The following ARFGAP1 variants were observed in gnomAD, a reference collection of about 807,000 sequenced individuals.
The protein encoded by ARFGAP1 is ADP-ribosylation factor GTPase-activating protein 1.
ARFGAP1 carries 26 observed loss-of-function variants against 54.0 expected under a neutral mutation model. The ratio of observed to expected loss-of-function variants is 0.48; its 90% CI spans 0.35 to 0.67. ARFGAP1 has a LOEUF of 0.67. Ranked by LOEUF, ARFGAP1 falls within the 30% of genes least tolerant of loss-of-function variation. The pLI is 0.00. For synonymous variants in ARFGAP1, 248 were observed against 211.9 expected, an observed-to-expected ratio of 1.17 and a Z score of -1.48; for missense variants, 525 against 535.8, an observed-to-expected ratio of 0.98 and a Z score of 0.20.
rs1417395057 is a variant in ARFGAP1 at position 63,276,395 on chromosome 20, G to A, written c.171-85G>A. 18 of 1,532,650 alleles carry A rather than the reference G, an allele frequency of 1.2e-5. No homozygotes were observed. In the Admixed American group the frequency reaches 1.4e-4, roughly 12 times the overall value. The allele number at this position is 1,532,650 out of a possible 1,614,324, so 94.9% of individuals were successfully genotyped here. A position where few individuals can be genotyped will look rare whatever the true frequency, so the allele number is the denominator to read the frequency against. Reference sequence around the variant, plus strand: ...CCTCCCTGCGGCTGCTGCTTGCTGTGTCTAATTCTCAGGACGATGCTGGGT... The same window carrying A: ...CCTCCCTGCGGCTGCTGCTTGCTGTATCTAATTCTCAGGACGATGCTGGGT... On this transcript the variant is annotated intron_variant, in intron 3 of 12. Coordinates refer to ENST00000370283, the MANE Select transcript of ARFGAP1 (RefSeq NM_018209.4). The surrounding 1 kb of genome is among the most constrained non-coding windows in gnomAD (Gnocchi z 5.2).
intron 9 of ARFGAP1, chr20:63,283,702 G>T: frequency 1.3e-6 from 1 of 777,494 alleles, no homozygotes; most frequent in Non-Finnish European, 2.1e-6. Flanking sequence ...AGGGCAGGGA[G>T]CGGCTGCTCC....
chr20:63,287,796 G>A lies in ARFGAP1; in HGVS notation c.1144G>A (p.Glu382Lys), dbSNP rs774267473. The change falls in exon 13 of 13, where the codon GAG (glutamate) becomes AAG (lysine). Residue 382 changes from glutamate (E) to lysine (K), a missense_variant. Glu to Lys is a moderately conservative substitution (Grantham distance 56). Coordinates refer to ENST00000370283, the MANE Select transcript of ARFGAP1 (RefSeq NM_018209.4). ...TNRNSNSDGG[E>K]GGEGTKKAVP... ...CAGGAACAGCAACAGCGACGGCGGG[G>A]AGGGCGGGGAGGGCACCAAGAAGGC... 2.5e-6 allele frequency: 4 copies of A among 1,596,864 alleles called. No homozygotes were observed. In the East Asian group the frequency reaches 9.0e-5, roughly 36 times the overall value.
At chr20:63,283,794 C>T (rs6062430) in intron 9 of ARFGAP1, 14 of 1,605,020 alleles carry the variant, frequency 8.7e-6, no homozygotes, top group African/African-American at 1.3e-5. Flanking sequence ...CTGCTGGTTA[C>T]TAATGCCGCC....
intron 7 of ARFGAP1, among the ~76,000 whole-genome samples, chr20:63,280,023 C>T (rs1257718769): frequency 6.6e-6 from 1 of 152,086 alleles, no homozygotes; most frequent in Admixed American, 6.5e-5. Context: ...TGCCTTGTAG[C>T]CCCAGCTACT....
rs552678348 is a variant in ARFGAP1, at chr20:63,285,930, C to T, written c.834+217C>T. 18 of 1,482,312 alleles carry T rather than the reference C, an allele frequency of 1.2e-5. No individual in the cohort carries two copies. In the African/African-American group the frequency reaches 2.4e-4, roughly 19 times the overall value. The allele number at this position is 1,482,312 out of a possible 1,614,324, so 91.8% of individuals were successfully genotyped here. A position where few individuals can be genotyped will look rare whatever the true frequency, so the allele number is the denominator to read the frequency against. On this transcript the variant is annotated intron_variant, in intron 11 of 12. Coordinates refer to ENST00000370283, the MANE Select transcript of ARFGAP1 (RefSeq NM_018209.4). Reference sequence around the variant, plus strand: ...CCCGGTCAGCCACTAACTGTCACTTCTCCCTCTGCTCTTATCTTGCTGCTG... The same window carrying T: ...CCCGGTCAGCCACTAACTGTCACTTTTCCCTCTGCTCTTATCTTGCTGCTG...
chr20:63,286,146 C>T, intron 11 of ARFGAP1: 2 of 1,550,224 alleles, frequency 1.3e-6, no homozygotes, highest in Non-Finnish European at 1.7e-6. Flanking sequence ...GAGGTCTGTG[C>T]ACGAGGCTGT....
chr20:63,279,825 A>G (rs1020109166), intron 7 of ARFGAP1, among the ~76,000 whole-genome samples: 3 of 152,174 alleles, frequency 2.0e-5, no homozygotes, highest in Admixed American at 6.5e-5. Context: ...TCTTTTTCCA[A>G]GGAAATTTTT....
intron 9 of ARFGAP1, chr20:63,284,138 A>T (rs1422199730): frequency 2.3e-5 from 30 of 1,328,424 alleles, no homozygotes; most frequent in Non-Finnish European, 2.7e-5. Flanking sequence ...CATCTCCAAA[A>T]CACACAGACC....
At chr20:63,278,700 T>A in intron 6 of ARFGAP1, 199 bp from the exon 7 acceptor site, 1 of 584,258 alleles carries the variant, frequency 1.7e-6, no homozygotes, top group South Asian at 2.1e-5. Flanking sequence ...GACCCTGTGG[T>A]GATGTGGCAG....
rs140035953 is a variant in ARFGAP1 at position 63,288,518 on chromosome 20, G to A, written c.*645G>A. 2.0e-5 allele frequency: 9 copies of A among 455,684 alleles called. No homozygotes were observed. Among genetic ancestry groups the A allele is most frequent in the African/African-American group, 8.0e-5 (4 of 49,926 alleles). 28.2% of individuals were successfully genotyped at this position (455,684 alleles called of 1,614,324 possible). A position where few individuals can be genotyped will look rare whatever the true frequency, so the allele number is the denominator to read the frequency against. ...CAAGTTCACCAGGTTCACCAGACAC[G>A]GCCTCCACAATAGCCACACCCACAC... On this transcript the variant is annotated 3_prime_UTR_variant, in exon 13 of 13. Coordinates refer to ENST00000370283, the MANE Select transcript of ARFGAP1 (RefSeq NM_018209.4).
intron 6 of ARFGAP1, chr20:63,278,543 C>T (rs867437597): frequency 2.2e-6 from 1 of 452,036 alleles, no homozygotes; most frequent in South Asian, 2.4e-5. Flanking sequence ...TGTAGAGAAG[C>T]GCTAACACTT....
intron 6 of ARFGAP1, 168 bp downstream of exon 6, chr20:63,278,371 T>C: frequency 1.6e-6 from 1 of 636,280 alleles, no homozygotes; most frequent in South Asian, 1.8e-5. Flanking sequence ...CAGTGTGAAT[T>C]GGGGGTCTTG....
chr20:63,285,531 C>T (rs1466273664), intron 10 of ARFGAP1, 123 bp from the exon 11 acceptor site: 1 of 1,022,876 alleles, frequency 9.8e-7, no homozygotes, highest in African/African-American at 1.6e-5. Flanking sequence ...GGGGCTCAGC[C>T]TGATGGGTAT....
chr20:63,276,814 GC>G lies in ARFGAP1; in HGVS notation c.342+166del. On this transcript the variant is annotated intron_variant, in intron 4 of 12. Coordinates refer to ENST00000370283, the MANE Select transcript of ARFGAP1 (RefSeq NM_018209.4). The surrounding 1 kb of genome is among the most constrained non-coding windows in gnomAD (Gnocchi z 5.2). ...TGCCGCCCTGGAGCAGAGGCTTCCT[GC>G]CCAGAGGGGAGGCAAATGGCTTGCG... 1 of 797,232 alleles carries G rather than the reference GC, an allele frequency of 1.3e-6. No individual in the cohort carries two copies. Among genetic ancestry groups the G allele is most frequent in the Non-Finnish European group, 1.9e-6 (1 of 525,866 alleles). 49.4% of individuals were successfully genotyped at this position (797,232 alleles called of 1,614,324 possible). A position where few individuals can be genotyped will look rare whatever the true frequency, so the allele number is the denominator to read the frequency against.
intron 10 of ARFGAP1, chr20:63,285,416 ATT>A (rs1184904897): frequency 6.9e-6 from 4 of 583,452 alleles, no homozygotes; most frequent in Admixed American, 6.1e-5. Context: ...TCACGTTGCT[ATT>A]TGTCAGCAGT....
chr20:63,278,132 G>A lies in ARFGAP1; in HGVS notation c.459G>A (p.Pro153=), dbSNP rs149331235. Residue 153 remains proline (P), a synonymous_variant, in exon 6 of 13, where the codon CCG becomes CCA. Transcript: ENST00000370283. ...TCGGTTTCAGAGTCTCTGGCCAGCC[G>A]CAGAGTGTGACCGCCTCCTCGGACA... ...PSMVHRVSGQ[P]QSVTASSDKA... is the part of the protein sequence containing the mutation. 84 of 1,613,510 alleles carry A rather than the reference G, an allele frequency of 5.2e-5. No individual in the cohort carries two copies. Among genetic ancestry groups the A allele is most frequent in the Admixed American group, 1.7e-4 (10 of 60,010 alleles).
rs766259626 is a variant in ARFGAP1, at chr20:63,286,434, C to G, written c.903C>G (p.Pro301=). 1 of 1,613,386 alleles carries G rather than the reference C, an allele frequency of 6.2e-7. No individual in the cohort carries two copies. ...TTTTTTCGGGGAAAGCAGAGGGCCC[C>G]TTGGACAGGTATGCTGTGTCCCCTC... ...TTFFSGKAEG[P]LDSPSEGHSY... is the part of the protein sequence containing the mutation. The change falls in exon 12 of 13, where the codon CCC becomes CCG. Residue 301 remains proline, a synonymous_variant. Coordinates refer to ENST00000370283, the MANE Select transcript of ARFGAP1 (RefSeq NM_018209.4).
chr20:63,287,688 A>T lies in ARFGAP1; in HGVS notation c.1036A>T (p.Ser346Cys). 1 of 1,612,502 alleles carries T rather than the reference A, an allele frequency of 6.2e-7. No individual in the cohort carries two copies. Among genetic ancestry groups the T allele is most frequent in the Non-Finnish European group, 8.5e-7 (1 of 1,179,896 alleles). ...EPTKTRKSPSSDSWTCADTST... is the reference protein window; with the variant it reads ...EPTKTRKSPSCDSWTCADTST... ...CACCAAGACCCGCAAGTCCCCGAGCAGCGACAGCTGGACGTGCGCGGACAC... is the reference window on the plus strand; with the variant it reads ...CACCAAGACCCGCAAGTCCCCGAGCTGCGACAGCTGGACGTGCGCGGACAC... Residue 346 changes from serine (S) to cysteine (C), a missense_variant, in exon 13 of 13, where the codon AGC becomes TGC. Around this residue, in one of 3 missense-constraint regions of ARFGAP1, gnomAD observed 466 missense variants for 453.6 expected, o/e 1.03. Coordinates refer to ENST00000370283, the MANE Select transcript of ARFGAP1 (RefSeq NM_018209.4).
chr20:63,285,118 G>A (rs1451454276), intron 10 of ARFGAP1, among the ~76,000 whole-genome samples, 196 bp downstream of exon 10: 1 of 151,940 alleles, frequency 6.6e-6, no homozygotes. Flanking sequence ...CCCTTCCCCT[G>A]GCCTAGGGCC....
Sources: allele counts gnomAD v4.1 joint callset (sites outside exome capture counted in the v4.1 genomes callset), GRCh38; gene constraint gnomAD v4.1.1; regional missense constraint gnomAD v4.1.1; non-coding constraint Gnocchi (gnomAD v3.1); transcripts MANE v1.5; gene names NCBI Gene and HGNC (gene_info 2026-07-23, HGNC 2026-07-21).